SLC30A9: variants seen among roughly 807,000 people sequenced by gnomAD.
The protein encoded by SLC30A9 is proton-coupled zinc antiporter SLC30A9, mitochondrial.
Under a neutral mutation model 87.5 loss-of-function variants are expected in SLC30A9, and 58 were observed. The observed-to-expected ratio is 0.66, with a 90% CI of 0.54 to 0.82. SLC30A9 has a LOEUF of 0.82. SLC30A9 is among the 40% of genes least tolerant of loss of function. SLC30A9 has a pLI of 0.00. For missense variants in SLC30A9, 557 were observed against 679.1 expected (o/e 0.82, Z 2.00); for synonymous variants, 234 against 233.0 (o/e 1.00, Z -0.04).
chr4:42,078,563 T>C (rs1718646053), intron 17 of SLC30A9: 1 of 275,042 alleles, frequency 3.6e-6, no homozygotes, highest in African/African-American at 2.2e-5. Context: ...CACTATTTTA[T>C]GCAGCCTGCT....
intron 9 of SLC30A9, among the ~76,000 whole-genome samples, chr4:42,057,494 A>G (rs9991690): frequency 0.65 from 99,251 of 152,016 alleles, 36,892 homozygotes; most frequent in East Asian, 0.96. Context: ...GCCCCTTTTA[A>G]TCACAGCTGG....
At chr4:42,037,783 A>C (rs1004917555) in intron 7 of SLC30A9, among the ~76,000 whole-genome samples, 4 of 152,032 alleles carry the variant, frequency 2.6e-5, no homozygotes, top group Non-Finnish European at 2.9e-5. Context: ...GGAATTTTTT[A>C]ATATTTTATT....
rs1718955137 is a variant in SLC30A9 at position 42,087,253 on chromosome 4, A to T, written c.*1127A>T. 6.6e-6 allele frequency: 1 copy of T among 152,232 alleles called. No individual in the cohort carries two copies. The highest frequency in any genetic ancestry group is 6.5e-5 in the Admixed American group (1 of 15,272). 9.4% of individuals were successfully genotyped at this position (152,232 alleles called of 1,614,324 possible). On this transcript the variant is annotated 3_prime_UTR_variant, in exon 18 of 18. Transcript: ENST00000264451. The stretch of plus-strand genomic sequence containing the variant: ...TAAGTTATCAAGGTGGAAAAAAAAC[A>T]TGCAATTCAGTAATTGAAAATGTGG...
In SLC30A9 at chr4:42,068,536, C is replaced by T. The variant is rs191174887; in HGVS notation, c.1252+1344C>T. Among the ~76,000 whole-genome samples the T allele has an allele frequency of 8.2e-4, 125 of 152,318 alleles. 3 individuals are homozygous for T. Among genetic ancestry groups the T allele is most frequent in the African/African-American group, 2.7e-3 (113 of 41,578 alleles). On this transcript the variant is annotated intron_variant, in intron 14 of 17. Coordinates refer to ENST00000264451, the MANE Select transcript of SLC30A9 (RefSeq NM_006345.4). ...CTGGGATTACAGGCATGAGCCACCA[C>T]GCCCGGCCGGAACTTAACTCTTGTT...
intron 11 of SLC30A9, 145 bp downstream of exon 11, chr4:42,063,266 AT>A: frequency 1.8e-6 from 1 of 561,746 alleles, no homozygotes; most frequent in Non-Finnish European, 2.9e-6. Flanking sequence ...CTATAGTTTA[AT>A]TTTTAGAACG....
At chr4:41,995,560 A>G (rs770031909) in intron 1 of SLC30A9, among the ~76,000 whole-genome samples, 24 of 152,286 alleles carry the variant, frequency 1.6e-4, no homozygotes, top group Non-Finnish European at 2.8e-4. Context: ...GGGCTATTTC[A>G]TTCGATAAGA....
chr4:42,030,324 T>C (rs1449803471), intron 6 of SLC30A9, among the ~76,000 whole-genome samples: 1 of 152,200 alleles, frequency 6.6e-6, no homozygotes, highest in African/African-American at 2.4e-5. Flanking sequence ...CAAAATATTC[T>C]ACTGTAAATG....
intron 2 of SLC30A9, among the ~76,000 whole-genome samples, chr4:42,014,867 GGAGA>G (rs891649818): frequency 6.6e-6 from 1 of 151,848 alleles, no homozygotes; most frequent in Admixed American, 6.6e-5. Flanking sequence ...GTAAATTCAT[GGAGA>G]GAGAGAGAGT....
Position 42,088,816 on chromosome 4 carries a change from A to G in SLC30A9, c.*2690A>G, listed in dbSNP as rs1340446104. The G allele has an allele frequency of 6.6e-6, 1 of 152,010 alleles. No individual in the cohort carries two copies. The highest frequency in any genetic ancestry group is 1.5e-5 in the Non-Finnish European group (1 of 68,008). The allele number at this position is 152,010 out of a possible 1,614,324, so 9.4% of individuals were successfully genotyped here. ...GGACAAAGATCCAAAGCATATCAGC[A>G]TCTGTAGTCACAGCTACTTGGGAGG... On this transcript the variant is annotated 3_prime_UTR_variant, in exon 18 of 18. Transcript: ENST00000264451.
At chr4:41,998,462 C>CTTTTTTTTTT (rs34295020) in intron 1 of SLC30A9, among the ~76,000 whole-genome samples, 1 of 144,946 alleles carries the variant, frequency 6.9e-6, no homozygotes, top group Non-Finnish European at 1.5e-5. Context: ...TTCAGTAATT[C>CTTTTTTTTTT]TTTTTTTTTG....
intron 6 of SLC30A9, among the ~76,000 whole-genome samples, chr4:42,028,022 C>T (rs1388762500): frequency 6.6e-6 from 1 of 152,142 alleles, no homozygotes; most frequent in Non-Finnish European, 1.5e-5. Flanking sequence ...GACCTGTGTA[C>T]CAATACTATT....
Position 42,087,021 on chromosome 4 carries a change from T to G in SLC30A9, c.*895T>G, listed in dbSNP as rs1718945139. The G allele has an allele frequency of 6.6e-6, 1 of 152,210 alleles. No homozygotes were observed. Among genetic ancestry groups the G allele is most frequent in the Non-Finnish European group, 1.5e-5 (1 of 68,044 alleles). The allele number at this position is 152,210 out of a possible 1,614,324, so 9.4% of individuals were successfully genotyped here. A position where few individuals can be genotyped will look rare whatever the true frequency, so the allele number is the denominator to read the frequency against. ...TACAGGCAGGACAGCATTTGACTTT[T>G]ATTTAAAAGGCGGCACTACTTATGT... is the stretch of plus-strand genomic sequence containing the variant. On this transcript the variant is annotated 3_prime_UTR_variant, in exon 18 of 18. Coordinates refer to ENST00000264451, the MANE Select transcript of SLC30A9 (RefSeq NM_006345.4).
At chr4:42,004,096 C>G (rs2660328) in intron 2 of SLC30A9, among the ~76,000 whole-genome samples, 98,578 of 152,108 alleles carry the variant, frequency 0.65, 36,065 homozygotes, top group East Asian at 0.96. Context: ...GTTCGTTTAG[C>G]TGAGGATCTT....
At chr4:41,992,372 A>G (rs967174391) in intron 1 of SLC30A9, among the ~76,000 whole-genome samples, 3 of 151,960 alleles carry the variant, frequency 2.0e-5, no homozygotes, top group African/African-American at 7.3e-5. Context: ...AAGAAAAATG[A>G]ATCATACGTT....
intron 9 of SLC30A9, among the ~76,000 whole-genome samples, chr4:42,052,014 ATAT>A (rs1383835159): frequency 1.3e-5 from 2 of 150,392 alleles, no homozygotes; most frequent in Non-Finnish European, 3.0e-5. Flanking sequence ...TATAAAAATG[ATAT>A]TATATCATAA....
chr4:42,088,960 T>C lies in SLC30A9; in HGVS notation c.*2834T>C, dbSNP rs1468991746. 1 of 152,184 alleles carries C rather than the reference T, an allele frequency of 6.6e-6. No individual in the cohort carries two copies. Among genetic ancestry groups the C allele is most frequent in the African/African-American group, 2.4e-5 (1 of 41,450 alleles). The allele number at this position is 152,184 out of a possible 1,614,324, so 9.4% of individuals were successfully genotyped here. A position where few individuals can be genotyped will look rare whatever the true frequency, so the allele number is the denominator to read the frequency against. ...CTCAAAAAGAGAATTTGGGTCTCTT[T>C]CTCCAAAAATAAGGCTATATTTAGT... On this transcript the variant is annotated 3_prime_UTR_variant, in exon 18 of 18. Coordinates refer to ENST00000264451, the MANE Select transcript of SLC30A9 (RefSeq NM_006345.4).
intron 12 of SLC30A9, 129 bp from the exon 13 acceptor site, chr4:42,066,421 T>C (rs1170049929): frequency 1.3e-5 from 7 of 533,294 alleles, no homozygotes; most frequent in African/African-American, 3.8e-5. Flanking sequence ...CTAATTAACA[T>C]AGAACTTGTC....
At chr4:42,007,783 A>AAC (rs1715276655) in intron 2 of SLC30A9, among the ~76,000 whole-genome samples, 1 of 150,006 alleles carries the variant, frequency 6.7e-6, no homozygotes, top group South Asian at 2.2e-4. Flanking sequence ...CACACATCTT[A>AAC]ACACAACTAC....
At chr4:42,082,571 G>A (rs1718779707) in intron 17 of SLC30A9, among the ~76,000 whole-genome samples, 2 of 152,236 alleles carry the variant, frequency 1.3e-5, no homozygotes, top group South Asian at 4.2e-4. Context: ...CTTGTGGCTG[G>A]GCGCAGTGGC....
Sources: gnomAD v4.1 joint callset for allele counts (sites outside exome capture counted in the v4.1 genomes callset) on GRCh38, gnomAD v4.1.1 for gene constraint, MANE v1.5 for transcripts, NCBI Gene and HGNC (gene_info 2026-07-23, HGNC 2026-07-21) for gene names.